Variants in CCND3 observed in about 807,000 individuals in gnomAD.
The protein encoded by CCND3 is cyclin D3.
In CCND3, 9 loss-of-function variants were observed where a neutral mutation model predicts 28.7. The ratio of observed to expected loss-of-function variants is 0.31; its 90% confidence interval spans 0.19 to 0.55. The LOEUF is 0.55. Ranked by LOEUF, CCND3 falls within the 20% of genes least tolerant of loss-of-function variation. The probability of loss-of-function intolerance (pLI) is 0.93; values close to 1 mark genes in which losing one functional copy is unlikely to be tolerated. For synonymous variants in CCND3, 164 were observed against 163.9 expected (o/e 1.00, Z 0.00); for missense variants, 315 against 385.8 (o/e 0.82, Z 1.54).
chr6:41,956,232 C>T (rs377734238), intron 1 of CCND3, among the ~76,000 whole-genome samples: 26 of 152,090 alleles, frequency 1.7e-4, no homozygotes, highest in African/African-American at 5.8e-4. Flanking sequence ...GTGGAGGTTG[C>T]GGTGAGCCAA....
rs911260447 is a variant in CCND3 at position 41,935,620 on chromosome 6, G to T, written c.*320C>A. 5.9e-5 allele frequency: 28 copies of T among 470,640 alleles called. No individual in the cohort carries two copies. The highest frequency in any genetic ancestry group is 4.8e-4 in the African/African-American group (25 of 51,716). The allele number at this position is 470,640 out of a possible 1,614,324, so 29.2% of individuals were successfully genotyped here. A position where few individuals can be genotyped will look rare whatever the true frequency, so the allele number is the denominator to read the frequency against. ...AAAACATGAGAGCCCCCAGGGGTGG[G>T]GGGGGGCGTTCAAAAGGAATGCTGG... On this transcript the variant is annotated 3_prime_UTR_variant, in exon 5 of 5. Transcript: ENST00000372991.
At chr6:42,033,804 T>A (rs889904784) in intron 1 of CCND3, among the ~76,000 whole-genome samples, 2 of 151,390 alleles carry the variant, frequency 1.3e-5, no homozygotes, top group Admixed American at 6.6e-5. Context: ...TGAGCTGAGA[T>A]TGCGCCATTG....
At chr6:42,029,096 C>T (rs531778214) in intron 1 of CCND3, among the ~76,000 whole-genome samples, 79 of 152,022 alleles carry the variant, frequency 5.2e-4, no homozygotes, top group Non-Finnish European at 1.0e-3. Context: ...CTCACCTCAG[C>T]CTGCTGAGTA....
In CCND3 at chr6:41,941,693, T is replaced by G; in HGVS notation, c.-44A>C. ...CAGGGCGGGAGTGCGGGCTCGCGAG[T>G]CCCAAGGCAGGCGACGGGCCGGAGA... On this transcript the variant is annotated 5_prime_UTR_variant, in exon 1 of 5. Transcript: ENST00000372991. This position sits in a 1 kb window ranked among gnomAD's most constrained non-coding sequence, Gnocchi z 6.1. 2 of 1,280,842 alleles carry G rather than the reference T, an allele frequency of 1.6e-6. No individual in the cohort carries two copies. The highest frequency in any genetic ancestry group is 2.0e-6 in the Non-Finnish European group (2 of 1,002,322). 79.3% of individuals were successfully genotyped at this position (1,280,842 alleles called of 1,614,324 possible).
chr6:42,045,476 A>C (rs961772585), intron 1 of CCND3, among the ~76,000 whole-genome samples: 5 of 152,214 alleles, frequency 3.3e-5, no homozygotes, highest in African/African-American at 1.2e-4. Flanking sequence ...CAGCTCCCGC[A>C]ACACCATTCA....
intron 1 of CCND3, among the ~76,000 whole-genome samples, chr6:42,040,186 G>A (rs2127440574): frequency 6.6e-6 from 1 of 152,318 alleles, no homozygotes; most frequent in Non-Finnish European, 1.5e-5. Context: ...GGGAGGCTGA[G>A]GCGGGTGGAT....
chr6:42,048,928 G>T lies in CCND3; in HGVS notation c.-473C>A. The T allele has an allele frequency of 4.2e-6, 1 of 235,844 alleles. No individual in the cohort carries two copies. Among genetic ancestry groups the T allele is most frequent in the Non-Finnish European group, 8.3e-6 (1 of 120,778 alleles). 14.6% of individuals were successfully genotyped at this position (235,844 alleles called of 1,614,324 possible). ...GGGGCGCCACGGAGGCTCAGGTGTG[G>T]GCGGCGGGGCCGGGGCAGCACGGGT... is the stretch of plus-strand genomic sequence containing the variant. On this transcript the variant is annotated 5_prime_UTR_variant, in exon 1 of 5. Coordinates refer to the CCND3 transcript ENST00000372988. This position sits in a 1 kb window ranked among gnomAD's most constrained non-coding sequence, Gnocchi z 4.7.
At chr6:42,016,973 G>T (rs1168401789) in intron 1 of CCND3, among the ~76,000 whole-genome samples, 2 of 152,222 alleles carry the variant, frequency 1.3e-5, no homozygotes, top group Admixed American at 6.5e-5. Flanking sequence ...AATTCTGAAT[G>T]ATGCCATGGG....
chr6:42,048,555 C>G lies in CCND3; in HGVS notation c.-100G>C. 1 of 514,054 alleles carries G rather than the reference C, an allele frequency of 1.9e-6. No homozygotes were observed. The highest frequency in any genetic ancestry group is 3.9e-6 in the Non-Finnish European group (1 of 257,962). The allele number at this position is 514,054 out of a possible 1,614,324, so 31.8% of individuals were successfully genotyped here. A position where few individuals can be genotyped will look rare whatever the true frequency, so the allele number is the denominator to read the frequency against. ...CGACTGGGGTCGCAGGCGCTCTGTC[C>G]CGCCGCCTCCGGAGCCTGCCTTTGG... is the stretch of plus-strand genomic sequence containing the variant. On this transcript the variant is annotated 5_prime_UTR_variant, in exon 1 of 5. Transcript: ENST00000372988. The surrounding 1 kb of genome is among the most constrained non-coding windows in gnomAD (Gnocchi z 4.7).
At chr6:41,969,737 A>AAAAC (rs960473625) in intron 1 of CCND3, among the ~76,000 whole-genome samples, 1 of 152,136 alleles carries the variant, frequency 6.6e-6, no homozygotes, top group African/African-American at 2.4e-5. Flanking sequence ...TCCATCTCAA[A>AAAAC]AAACAAACAA....
rs115513822 is a variant in CCND3, at chr6:42,002,884, C to T, written c.-46+45617G>A. ...CACAAAAAAGAAAGAAAAGAGAGGC[C>T]GGGTGGGGTGGCTCATGCCTGTAAA... is the stretch of plus-strand genomic sequence containing the variant. On this transcript the variant is annotated intron_variant, in intron 1 of 4. Transcript: ENST00000372988. 8.8e-3 allele frequency among the ~76,000 whole-genome samples: 1,282 copies of T among 146,106 alleles called. 10 individuals are homozygous for T. Among genetic ancestry groups the T allele is most frequent in the Middle Eastern group, 0.026 (6 of 232 alleles).
chr6:42,010,337 C>T (rs1218999455), intron 1 of CCND3, among the ~76,000 whole-genome samples: 2 of 147,802 alleles, frequency 1.4e-5, no homozygotes, highest in Non-Finnish European at 2.9e-5. Flanking sequence ...CGGGGCACTG[C>T]CCTCTGCAGC....
rs753627821 is a variant in CCND3, at chr6:41,936,497, G to C, written c.711+62C>G. 2.0e-4 allele frequency: 320 copies of C among 1,580,642 alleles called. 1 individual carries two copies. Among genetic ancestry groups the C allele is most frequent in the Non-Finnish European group, 2.7e-4 (310 of 1,157,324 alleles). On this transcript the variant is annotated intron_variant, in intron 4 of 4. Transcript: ENST00000372991. This position sits in a 1 kb window ranked among gnomAD's most constrained non-coding sequence, Gnocchi z 4.4. Reference sequence around the variant, plus strand: ...GGGTTGGAGGTTTCCCTCTACTGGAGGCTCAGGGCATAGCACTACTTTATG... The same window carrying C: ...GGGTTGGAGGTTTCCCTCTACTGGACGCTCAGGGCATAGCACTACTTTATG...
chr6:42,002,211 C>T (rs1170928133), intron 1 of CCND3, among the ~76,000 whole-genome samples: 6 of 150,462 alleles, frequency 4.0e-5, no homozygotes, highest in Non-Finnish European at 1.5e-5. Context: ...TTTGGGAGGC[C>T]GAGGTGGGCG....
chr6:41,937,204 A>G, intron 3 of CCND3, 31 bp downstream of exon 3: 1 of 1,613,094 alleles, frequency 6.2e-7, no homozygotes, highest in Non-Finnish European at 8.5e-7. Context: ...TGATTTTTCC[A>G]ATTTGGCAAA....
At chr6:42,019,577 G>A (rs943077797) in intron 1 of CCND3, among the ~76,000 whole-genome samples, 13 of 151,406 alleles carry the variant, frequency 8.6e-5, no homozygotes, top group African/African-American at 3.2e-4. Flanking sequence ...GATTGCATGT[G>A]AACAGTATTC....
chr6:42,031,568 T>G lies in CCND3; in HGVS notation c.-46+16933A>C, dbSNP rs1040355542. On this transcript the variant is annotated intron_variant, in intron 1 of 4. Transcript: ENST00000372988. The stretch of plus-strand genomic sequence containing the variant: ...CAAATACTTATGGAAACACAACTCA[T>G]GACATGTTTTTGATTTTTCATGAAC... Among the ~76,000 whole-genome samples, 4 of 152,122 alleles carry G rather than the reference T, an allele frequency of 2.6e-5. No individual in the cohort carries two copies. In the East Asian group the frequency reaches 7.7e-4, roughly 29 times the overall value.
rs1762559274 is a variant in CCND3 at position 41,988,713 on chromosome 6, T to TTTC, written c.-45-48129_-45-48128insGAA. Reference sequence around the variant, plus strand: ...GAACTTCTTTTCTTTTTTTTTTTTTTTTTGAGACGGAGTCTGGCTCTGTCG... The same window carrying TTTC: ...GAACTTCTTTTCTTTTTTTTTTTTTTTTCTTTGAGACGGAGTCTGGCTCTGTCG... On this transcript the variant is annotated intron_variant, in intron 1 of 4. Transcript: ENST00000372988. 2.7e-5 allele frequency among the ~76,000 whole-genome samples: 4 copies of TTTC among 150,232 alleles called. No homozygotes were observed. In the South Asian group the frequency reaches 8.4e-4, roughly 32 times the overall value.
chr6:42,025,269 G>A (rs9369324), intron 1 of CCND3, among the ~76,000 whole-genome samples: 54,401 of 152,040 alleles, frequency 0.36, 9,889 homozygotes, highest in African/African-American at 0.38. Context: ...AAGGCCAAGA[G>A]GGGCCCAGGA....
Sources: gnomAD v4.1 joint callset for allele counts (sites outside exome capture counted in the v4.1 genomes callset) on GRCh38, gnomAD v4.1.1 for gene constraint, Gnocchi (gnomAD v3.1) non-coding constraint, MANE v1.5 for transcripts, NCBI Gene and HGNC (gene_info 2026-07-23, HGNC 2026-07-21) for gene names.